Variants in SYNE2 observed in about 807,000 individuals in gnomAD.
SYNE2 encodes the protein nesprin-2.
A neutral mutation model predicts 856.3 loss-of-function variants in SYNE2; 431 were observed. That is an observed-to-expected ratio of 0.50 (90% CI 0.47 to 0.55). The LOEUF (loss-of-function observed/expected upper bound fraction) is 0.55, where lower values mean the gene tolerates loss of function less well. SYNE2 is among the 20% of genes least tolerant of loss of function. The pLI, the probability that SYNE2 is intolerant of heterozygous loss-of-function variation, is 0.00. For missense variants in SYNE2, 8,129 were observed against 8,023.2 expected (o/e 1.01, Z -0.50); for synonymous variants, 2,923 against 2,872.3 (o/e 1.02, Z -0.56).
At chr14:63,999,166 C>T (rs1269665455) in intron 27 of SYNE2, 126 bp downstream of exon 27, 2 of 947,020 alleles carry the variant, frequency 2.1e-6, no homozygotes. Flanking sequence ...ACTCTCTTTG[C>T]TGGATTGCAT....
At chr14:63,957,650 T>C (rs1316545216) in intron 8 of SYNE2, among the ~76,000 whole-genome samples, 1 of 151,790 alleles carries the variant, frequency 6.6e-6, no homozygotes, top group African/African-American at 2.4e-5. Flanking sequence ...GGGCGGATCA[T>C]GAGGGAAGGA....
At chr14:63,936,245 G>C (rs527329348) in intron 2 of SYNE2, among the ~76,000 whole-genome samples, 1 of 152,276 alleles carries the variant, frequency 6.6e-6, no homozygotes, top group Non-Finnish European at 1.5e-5. Flanking sequence ...AGGCACTTGG[G>C]ACATAGCACA....
At chr14:64,098,418 A>C (rs2097694697) in intron 62 of SYNE2, 2 of 592,492 alleles carry the variant, frequency 3.4e-6, no homozygotes, top group Non-Finnish European at 6.0e-6. Flanking sequence ...CCTCCCTTTG[A>C]AGTATCTTCG....
intron 8 of SYNE2, among the ~76,000 whole-genome samples, chr14:63,955,564 G>A (rs146871923): frequency 4.6e-4 from 70 of 152,188 alleles, no homozygotes; most frequent in African/African-American, 1.6e-3. Flanking sequence ...CATAATAGAG[G>A]TATATGGGAT....
intron 1 of SYNE2, among the ~76,000 whole-genome samples, chr14:63,876,131 G>C (rs150853411): frequency 6.6e-6 from 1 of 151,910 alleles, no homozygotes. Context: ...TTATTTAATC[G>C]GCTGGACGTG....
Position 64,025,394 on chromosome 14 carries a change from A to G in SYNE2, c.6225A>G (p.Pro2075=), listed in dbSNP as rs773319758. 1 of 1,613,280 alleles carries G rather than the reference A, an allele frequency of 6.2e-7. No homozygotes were observed. Residue 2075 remains proline (P), a synonymous_variant, in exon 41 of 116, where the codon CCA becomes CCG. Transcript: ENST00000555002. ...MVLNSSEGKM[P]LEERIQKIKE... ...TGAATTCATCCGAAGGCAAAATGCC[A>G]CTTGAGGAAAGAATCCAAAAAATCA...
rs142549252 is a variant in SYNE2 at position 63,887,670 on chromosome 14, C to G, written c.-51-21428C>G. Among the ~76,000 whole-genome samples, 246 of 152,084 alleles carry G rather than the reference C, an allele frequency of 1.6e-3. 1 individual carries two copies. Among genetic ancestry groups the G allele is most frequent in the African/African-American group, 5.0e-3 (207 of 41,436 alleles). On this transcript the variant is annotated intron_variant, in intron 1 of 115. Transcript: ENST00000555002. ...CAAGGAACTGGTTTTTTTTCCCCCC[C>G]ATTCCTAGTATTTGAAATATGCTTT...
chr14:64,134,674 C>T (rs767513759), intron 78 of SYNE2, among the ~76,000 whole-genome samples: 13 of 152,144 alleles, frequency 8.5e-5, no homozygotes, highest in Non-Finnish European at 1.5e-4. Context: ...TACCTGTCAC[C>T]AGCATTATAA....
chr14:64,185,887 A>G (rs754204157), intron 96 of SYNE2, among the ~76,000 whole-genome samples: 4 of 152,214 alleles, frequency 2.6e-5, no homozygotes, highest in Non-Finnish European at 4.4e-5. Flanking sequence ...ATCTTTGCCA[A>G]TTAGAAAAGT....
In SYNE2 at chr14:64,141,327, A is replaced by T; in HGVS notation, c.14977-14A>T. ...TTAAATTTTAAGTTTCTAAATTTTA[A>T]AACTCTCCTTTAGGAGTTTTCAAAA... On this transcript the variant is annotated splice_polypyrimidine_tract_variant and intron_variant, in intron 80 of 115. Transcript: ENST00000555002. 6.2e-7 allele frequency: 1 copy of T among 1,607,202 alleles called. No individual in the cohort carries two copies. The highest frequency in any genetic ancestry group is 8.5e-7 in the Non-Finnish European group (1 of 1,176,334).
intron 100 of SYNE2, among the ~76,000 whole-genome samples, chr14:64,203,810 C>T (rs956959783): frequency 1.3e-5 from 2 of 152,238 alleles, no homozygotes; most frequent in African/African-American, 2.4e-5. Context: ...CTCCACCACA[C>T]ACCACATACC....
intron 65 of SYNE2, among the ~76,000 whole-genome samples, chr14:64,108,055 A>T (rs2097782556): frequency 1.3e-5 from 2 of 152,358 alleles, no homozygotes; most frequent in South Asian, 4.1e-4. Context: ...GGGAGTAAAA[A>T]TATAGTTAGT....
intron 41 of SYNE2, 66 bp downstream of exon 41, chr14:64,025,487 A>C: frequency 2.0e-6 from 3 of 1,487,976 alleles, no homozygotes; most frequent in Non-Finnish European, 2.8e-6. Flanking sequence ...ATTTAGAGGA[A>C]AACTGTAAAG....
In SYNE2 at chr14:64,163,557, G is replaced by A. The variant is rs947199886; in HGVS notation, c.16455G>A (p.Leu5485=). Residue 5485 remains leucine, a synonymous_variant, in exon 89 of 116, where the codon CTG becomes CTA. Coordinates refer to ENST00000555002, the MANE Select transcript of SYNE2 (RefSeq NM_182914.3). ...GGGCTGCTTATTTGGAAAAGATGCT[G>A]CTTGTGAAAGCAAATGAATTTGAGG... is the stretch of plus-strand genomic sequence containing the variant. ...LQRAAYLEKM[L]LVKANEFEFV... 2 of 1,614,136 alleles carry A rather than the reference G, an allele frequency of 1.2e-6. No homozygotes were observed. The highest frequency in any genetic ancestry group is 2.7e-5 in the African/African-American group (2 of 75,026).
chr14:63,984,316 G>A (rs2096609035), intron 18 of SYNE2, among the ~76,000 whole-genome samples: 1 of 152,170 alleles, frequency 6.6e-6, no homozygotes, highest in Non-Finnish European at 1.5e-5. Context: ...TTAAAGTATG[G>A]TCATTTCCTA....
chr14:63,786,262 G>C (rs1887525279), intron 1 of SYNE2, among the ~76,000 whole-genome samples: 1 of 144,786 alleles, frequency 6.9e-6, no homozygotes, highest in Admixed American at 6.9e-5. Context: ...AAAAAAAATA[G>C]CTGGGCATGG....
At chr14:63,805,130 C>A (rs1467483983) in intron 1 of SYNE2, among the ~76,000 whole-genome samples, 2 of 152,122 alleles carry the variant, frequency 1.3e-5, no homozygotes, top group Admixed American at 6.6e-5. Context: ...ACCGTACTAG[C>A]CTTGTAGGAT....
chr14:63,999,156 ACT>A (rs1401342893), intron 27 of SYNE2, 116 bp downstream of exon 27: 12 of 1,031,134 alleles, frequency 1.2e-5, no homozygotes, highest in Middle Eastern at 6.1e-4. Context: ...TTTCCAAAGA[ACT>A]CTCTTTGCTG....
intron 2 of SYNE2, among the ~76,000 whole-genome samples, chr14:63,928,060 A>G (rs1202571366): frequency 1.4e-5 from 2 of 146,714 alleles, no homozygotes; most frequent in Non-Finnish European, 3.0e-5. Context: ...AAAAAGTAGG[A>G]AAAAAAAAAA....
Sources: gnomAD v4.1 joint callset for allele counts (sites outside exome capture counted in the v4.1 genomes callset) on GRCh38, gnomAD v4.1.1 for gene constraint, MANE v1.5 for transcripts, NCBI Gene and HGNC (gene_info 2026-07-23, HGNC 2026-07-21) for gene names.